TICAM2: variants seen among roughly 807,000 people sequenced by gnomAD.
TICAM2 encodes the protein TIR domain containing adaptor molecule 2.
A neutral mutation model predicts 7.3 loss-of-function variants in TICAM2; 8 were observed. That is an observed-to-expected ratio of 1.10 (90% CI 0.65 to 1.99). The LOEUF (loss-of-function observed/expected upper bound fraction) is 1.99. Among genes scored for constraint, TICAM2 ranks in the 30% most tolerant of loss-of-function variants. The pLI, the probability that TICAM2 is intolerant of heterozygous loss-of-function variation, is 0.00. For missense variants in TICAM2, 304 were observed against 278.8 expected, an observed-to-expected ratio of 1.09 and a Z score of -0.65; for synonymous variants, 113 against 99.6, an observed-to-expected ratio of 1.13 and a Z score of -0.80.
chr5:115,593,878 G>A (rs536321492), intron 1 of TICAM2, among the ~76,000 whole-genome samples: 6 of 152,282 alleles, frequency 3.9e-5, no homozygotes, highest in African/African-American at 9.6e-5. Context: ...ATATGGACAC[G>A]ATGTACAACA....
intron 1 of TICAM2, among the ~76,000 whole-genome samples, chr5:115,595,701 C>A (rs543035199): frequency 1.3e-5 from 2 of 152,120 alleles, no homozygotes; most frequent in Non-Finnish European, 2.9e-5. Context: ...TCCTTTTATC[C>A]ATAAAATTTG....
chr5:115,586,150 G>A lies in TICAM2; in HGVS notation c.-59-4835C>T, dbSNP rs144632688. 7.9e-3 allele frequency among the ~76,000 whole-genome samples: 1,206 copies of A among 152,328 alleles called. 12 individuals are homozygous for A. Among genetic ancestry groups the A allele is most frequent in the African/African-American group, 0.028 (1,149 of 41,562 alleles). On this transcript the variant is annotated intron_variant, in intron 1 of 1. Coordinates refer to ENST00000427199, the MANE Select transcript of TICAM2 (RefSeq NM_021649.7). ...CATTAAAGACTATACAGGATTTTAAGGAGGTGAGTATAGATAGAAAAAGAA... is the reference window on the plus strand; with the variant it reads ...CATTAAAGACTATACAGGATTTTAAAGAGGTGAGTATAGATAGAAAAAGAA...
chr5:115,587,062 T>C (rs1288755896), intron 1 of TICAM2, among the ~76,000 whole-genome samples: 2 of 152,026 alleles, frequency 1.3e-5, no homozygotes, highest in Non-Finnish European at 2.9e-5. Context: ...TTAGAATCAT[T>C]TTGCACCGGA....
intron 1 of TICAM2, among the ~76,000 whole-genome samples, chr5:115,598,401 T>C (rs930434312): frequency 6.6e-6 from 1 of 152,208 alleles, no homozygotes; most frequent in African/African-American, 2.4e-5. Context: ...CCAACACTCT[T>C]CTTAAGTACC....
At chr5:115,586,418 GAAA>G (rs3072127) in intron 1 of TICAM2, among the ~76,000 whole-genome samples, 2,574 of 133,380 alleles carry the variant, frequency 0.019, 58 homozygotes, top group African/African-American at 0.057. Flanking sequence ...TAGAGTGTTG[GAAA>G]AAAAAAAAAA....
At chr5:115,599,727 C>T (rs1168195518) in intron 1 of TICAM2, among the ~76,000 whole-genome samples, 1 of 152,150 alleles carries the variant, frequency 6.6e-6, no homozygotes. Flanking sequence ...GCAAAGGCAA[C>T]AGCAGCACAA....
chr5:115,581,427 T>A lies in TICAM2; in HGVS notation c.-59-112A>T, dbSNP rs541928228. 22 of 1,219,584 alleles carry A rather than the reference T, an allele frequency of 1.8e-5. No homozygotes were observed. In the South Asian group the frequency reaches 3.5e-4, roughly 19 times the overall value. The allele number at this position is 1,219,584 out of a possible 1,614,324, so 75.5% of individuals were successfully genotyped here. A position where few individuals can be genotyped will look rare whatever the true frequency, so the allele number is the denominator to read the frequency against. On this transcript the variant is annotated intron_variant, in intron 1 of 1. Transcript: ENST00000427199. ...AAAGATTATAATAGACAGATCCAAATACATAAACGACAAACAGATAATTGG... is the reference window on the plus strand; with the variant it reads ...AAAGATTATAATAGACAGATCCAAAAACATAAACGACAAACAGATAATTGG...
chr5:115,580,496 A>C lies in TICAM2; in HGVS notation c.*53T>G. 1 of 1,494,228 alleles carries C rather than the reference A, an allele frequency of 6.7e-7. No individual in the cohort carries two copies. The highest frequency in any genetic ancestry group is 1.4e-5 in the South Asian group (1 of 72,138). 92.6% of individuals were successfully genotyped at this position (1,494,228 alleles called of 1,614,324 possible). On this transcript the variant is annotated 3_prime_UTR_variant, in exon 2 of 2. Coordinates refer to ENST00000427199, the MANE Select transcript of TICAM2 (RefSeq NM_021649.7). ...CTAGAAACTGCTTTCTCAAGTGAAG[A>C]TTAATCATTTGGTTTACAAAACAAG...
In TICAM2 at chr5:115,579,119, T is replaced by G. The variant is rs965981753; in HGVS notation, c.*1430A>C. The G allele has an allele frequency of 2.6e-5, 4 of 152,660 alleles. No homozygotes were observed. The highest frequency in any genetic ancestry group is 9.6e-5 in the African/African-American group (4 of 41,464). 9.5% of individuals were successfully genotyped at this position (152,660 alleles called of 1,614,324 possible). A position where few individuals can be genotyped will look rare whatever the true frequency, so the allele number is the denominator to read the frequency against. On this transcript the variant is annotated 3_prime_UTR_variant, in exon 2 of 2. Transcript: ENST00000427199. Reference sequence around the variant, plus strand: ...GCCTGAGTAAGCATGTATATTTTTTTCCTGTGACTTTAAGTGTAATGACAG... The same window carrying G: ...GCCTGAGTAAGCATGTATATTTTTTGCCTGTGACTTTAAGTGTAATGACAG...
intron 1 of TICAM2, among the ~76,000 whole-genome samples, chr5:115,584,639 C>A (rs997335019): frequency 1.3e-5 from 2 of 152,070 alleles, no homozygotes; most frequent in African/African-American, 2.4e-5. Flanking sequence ...AGAATGACAC[C>A]CCAACTCTAT....
At chr5:115,593,413 AT>A (rs907016170) in intron 1 of TICAM2, among the ~76,000 whole-genome samples, 7 of 149,440 alleles carry the variant, frequency 4.7e-5, no homozygotes, top group South Asian at 2.1e-4. Flanking sequence ...TACAAAAAAA[AT>A]GTCATTTTCC....
chr5:115,587,625 T>C (rs1755154895), intron 1 of TICAM2, among the ~76,000 whole-genome samples: 1 of 152,164 alleles, frequency 6.6e-6, no homozygotes, highest in Admixed American at 6.5e-5. Flanking sequence ...CCCAAGCTTA[T>C]GCTTTTTGTA....
At chr5:115,596,340 C>A (rs891281704) in intron 1 of TICAM2, among the ~76,000 whole-genome samples, 5 of 152,176 alleles carry the variant, frequency 3.3e-5, no homozygotes, top group South Asian at 2.1e-4. Flanking sequence ...CCATTTATAA[C>A]CCTGCATTGG....
At chr5:115,596,370 T>C (rs962747398) in intron 1 of TICAM2, among the ~76,000 whole-genome samples, 3 of 152,190 alleles carry the variant, frequency 2.0e-5, no homozygotes, top group African/African-American at 4.8e-5. Flanking sequence ...GTGCTTGATA[T>C]AAAAATTTCT....
chr5:115,584,352 C>A (rs1755030776), intron 1 of TICAM2, among the ~76,000 whole-genome samples: 1 of 152,034 alleles, frequency 6.6e-6, no homozygotes, highest in South Asian at 2.1e-4. Context: ...TCCGTAACAG[C>A]GCATAGAGAA....
intron 1 of TICAM2, among the ~76,000 whole-genome samples, chr5:115,596,554 G>C (rs1325652065): frequency 6.6e-6 from 1 of 152,152 alleles, no homozygotes; most frequent in Non-Finnish European, 1.5e-5. Context: ...TCAGAGCCAG[G>C]AAAGGCCATG....
intron 1 of TICAM2, among the ~76,000 whole-genome samples, chr5:115,597,624 T>G (rs1429924622): frequency 1.3e-5 from 2 of 152,226 alleles, no homozygotes; most frequent in African/African-American, 4.8e-5. Context: ...ATCTCAGCTT[T>G]GTTAAACAAA....
At chr5:115,599,223 T>C (rs981310550) in intron 1 of TICAM2, among the ~76,000 whole-genome samples, 2 of 152,172 alleles carry the variant, frequency 1.3e-5, no homozygotes, top group Non-Finnish European at 2.9e-5. Flanking sequence ...GCTGGTACCA[T>C]TCAAAGAGTC....
chr5:115,598,926 T>G (rs1051523256), intron 1 of TICAM2, among the ~76,000 whole-genome samples: 5 of 152,116 alleles, frequency 3.3e-5, no homozygotes, highest in African/African-American at 1.2e-4. Flanking sequence ...CATTTCTACA[T>G]AGTCCTCAAA....
Sources: allele counts gnomAD v4.1 joint callset (sites outside exome capture counted in the v4.1 genomes callset), GRCh38; gene constraint gnomAD v4.1.1; transcripts MANE v1.5; gene names NCBI Gene and HGNC (gene_info 2026-07-23, HGNC 2026-07-21).